The following FREM1 variants were observed in gnomAD, a reference collection of about 807,000 sequenced individuals.
FREM1 encodes FRAS1-related extracellular matrix protein 1.
FREM1 carries 220 observed loss-of-function variants against 210.1 expected under a neutral mutation model. That is an observed-to-expected ratio of 1.05 (90% CI 0.94 to 1.17). The LOEUF is 1.17. Among genes scored for constraint, FREM1 ranks in the 50% most tolerant of loss-of-function variants. The pLI, the probability that FREM1 is intolerant of heterozygous loss-of-function variation, is 0.00. For missense variants in FREM1, 3,454 were observed against 2,675.5 expected, an observed-to-expected ratio of 1.29 and a Z score of -6.42; for synonymous variants, 1,189 against 980.2, an observed-to-expected ratio of 1.21 and a Z score of -3.98.
chr9:14,855,950 A>G (rs2131486533), intron 5 of FREM1, among the ~76,000 whole-genome samples: 1 of 152,280 alleles, frequency 6.6e-6, no homozygotes, highest in Middle Eastern at 3.4e-3. Flanking sequence ...GAAAACATCT[A>G]TTAGTTGTCT....
chr9:14,892,049 C>T (rs1238264297), intron 1 of FREM1, among the ~76,000 whole-genome samples: 1 of 152,122 alleles, frequency 6.6e-6, no homozygotes, highest in Non-Finnish European at 1.5e-5. Context: ...ACCCTGAATT[C>T]TTTCTATCCT....
intron 35 of FREM1, among the ~76,000 whole-genome samples, chr9:14,741,155 A>G (rs541899244): frequency 6.6e-6 from 1 of 152,210 alleles, no homozygotes; most frequent in Non-Finnish European, 1.5e-5. Context: ...AAAAAATTAA[A>G]TCACCATGAT....
At chr9:14,877,262 A>C (rs1833934919) in intron 1 of FREM1, among the ~76,000 whole-genome samples, 1 of 151,924 alleles carries the variant, frequency 6.6e-6, no homozygotes, top group Non-Finnish European at 1.5e-5. Flanking sequence ...TTGCACATGC[A>C]ACTGTCTGCT....
At position 14,759,677 on chromosome 9, in the gene FREM1, T is replaced by C. The variant is rs566454169; in HGVS notation, c.5334+95A>G. 2.1e-4 allele frequency: 256 copies of C among 1,217,382 alleles called. No homozygotes were observed. In the South Asian group the frequency reaches 2.1e-3, roughly 10 times the overall value. 75.4% of individuals were successfully genotyped at this position (1,217,382 alleles called of 1,614,324 possible). On this transcript the variant is annotated intron_variant, in intron 28 of 36. Coordinates refer to ENST00000380880, the MANE Select transcript of FREM1 (RefSeq NM_001379081.2). The stretch of plus-strand genomic sequence containing the variant: ...GATCTCCCTGCAATTTGAAATTTCC[T>C]TGGTCACTCTGAATTTTTCTAAAAA...
At chr9:14,779,472 C>T (rs2132728652) in intron 24 of FREM1, 1 of 985,270 alleles carries the variant, frequency 1.0e-6, no homozygotes, top group African/African-American at 1.7e-5. Context: ...GAGTGAGTGC[C>T]AGGGACTCCA....
At chr9:14,869,530 T>C (rs1373195438) in intron 1 of FREM1, among the ~76,000 whole-genome samples, 1 of 152,224 alleles carries the variant, frequency 6.6e-6, no homozygotes, top group Non-Finnish European at 1.5e-5. Flanking sequence ...CAGCCAGCCT[T>C]ATTGCCAACA....
At chr9:14,880,367 G>T (rs1483029683) in intron 1 of FREM1, among the ~76,000 whole-genome samples, 3 of 152,160 alleles carry the variant, frequency 2.0e-5, no homozygotes, top group African/African-American at 7.2e-5. Flanking sequence ...ACTTTGGGAA[G>T]CCGAGGCGGG....
intron 12 of FREM1, 127 bp downstream of exon 12, chr9:14,823,898 A>G (rs1821835676): frequency 2.1e-6 from 1 of 478,476 alleles, no homozygotes; most frequent in Non-Finnish European, 3.7e-6. Context: ...TACAAGTAGC[A>G]AGTATAAAGA....
At chr9:14,787,291 AACTGTACAGTG>A (rs1850569948) in intron 23 of FREM1, among the ~76,000 whole-genome samples, 1 of 151,684 alleles carries the variant, frequency 6.6e-6, no homozygotes, top group Non-Finnish European at 1.5e-5. Flanking sequence ...CAAAACAAAA[AACTGTACAGTG>A]ACAAAACACC....
chr9:14,868,613 G>T (rs1831982437), intron 2 of FREM1, 131 bp downstream of exon 2: 2 of 649,386 alleles, frequency 3.1e-6, no homozygotes, highest in Non-Finnish European at 2.8e-6. Context: ...TTTCAAATGT[G>T]AACATCTTCT....
At chr9:14,900,826 G>A (rs904769072) in intron 1 of FREM1, among the ~76,000 whole-genome samples, 5 of 152,174 alleles carry the variant, frequency 3.3e-5, no homozygotes, top group African/African-American at 7.2e-5. Flanking sequence ...TCCCCTTATA[G>A]TGCATGGAAA....
chr9:14,821,372 A>T (rs1259220173), intron 13 of FREM1, among the ~76,000 whole-genome samples: 1 of 152,116 alleles, frequency 6.6e-6, no homozygotes, highest in Non-Finnish European at 1.5e-5. Flanking sequence ...TTTCCTTTAC[A>T]CTTTTTAGTT....
At chr9:14,756,713 G>A (rs1171829065) in intron 28 of FREM1, among the ~76,000 whole-genome samples, 1 of 152,150 alleles carries the variant, frequency 6.6e-6, no homozygotes, top group Admixed American at 6.5e-5. Context: ...AGTTATTGAA[G>A]AAAGGAACAT....
At chr9:14,902,630 G>A (rs938227639) in intron 1 of FREM1, among the ~76,000 whole-genome samples, 1 of 152,100 alleles carries the variant, frequency 6.6e-6, no homozygotes, top group Non-Finnish European at 1.5e-5. Context: ...CCACCTCCTA[G>A]CTTGAACAGT....
intron 15 of FREM1, among the ~76,000 whole-genome samples, chr9:14,814,857 C>T (rs1033775863): frequency 6.6e-6 from 1 of 152,150 alleles, no homozygotes; most frequent in Non-Finnish European, 1.5e-5. Context: ...AGACCATCCT[C>T]TTGTGTTTAA....
In FREM1 at chr9:14,845,953, C is replaced by T; in HGVS notation, c.1393+7G>A. 1.2e-6 allele frequency: 2 copies of T among 1,613,264 alleles called. No homozygotes were observed. The highest frequency in any genetic ancestry group is 1.7e-6 in the Non-Finnish European group (2 of 1,179,482). On this transcript the variant is annotated splice_region_variant and intron_variant, in intron 8 of 36. Coordinates refer to ENST00000380880, the MANE Select transcript of FREM1 (RefSeq NM_001379081.2). ...TCTTTGCTAGGTTACCAAGTTGGAT[C>T]ATTCACCTCTTAAAGTCAGCCATCC...
At chr9:14,792,053 C>T (rs1338555316) in intron 22 of FREM1, among the ~76,000 whole-genome samples, 1 of 152,104 alleles carries the variant, frequency 6.6e-6, no homozygotes, top group Non-Finnish European at 1.5e-5. Flanking sequence ...CCACGTTGGC[C>T]AGGATGGTCT....
intron 1 of FREM1, among the ~76,000 whole-genome samples, chr9:14,886,348 T>G (rs1430236102): frequency 6.8e-5 from 8 of 117,828 alleles, no homozygotes; most frequent in African/African-American, 2.7e-4. Flanking sequence ...ATCGTGCCAC[T>G]GCACTCCAGC....
chr9:14,788,121 C>A (rs1850701019), intron 23 of FREM1, among the ~76,000 whole-genome samples: 1 of 152,112 alleles, frequency 6.6e-6, no homozygotes, highest in Admixed American at 6.6e-5. Flanking sequence ...AGCATTCAGT[C>A]AATCAAGCAT....
Sources: allele counts gnomAD v4.1 joint callset (sites outside exome capture counted in the v4.1 genomes callset), GRCh38; gene constraint gnomAD v4.1.1; transcripts MANE v1.5; gene names NCBI Gene and HGNC (gene_info 2026-07-23, HGNC 2026-07-21).